SYNPO2: variants seen among roughly 807,000 people sequenced by gnomAD.
SYNPO2 encodes the protein synaptopodin-2.
Under a neutral mutation model 85.0 loss-of-function variants are expected in SYNPO2, and 56 were observed. That is an observed-to-expected ratio of 0.66 (90% confidence interval 0.53 to 0.82). The LOEUF (loss-of-function observed/expected upper bound fraction) is 0.82. SYNPO2 is among the 40% of genes least tolerant of loss of function. SYNPO2 has a pLI of 0.00. For missense variants in SYNPO2, 1,575 were observed against 1,534.2 expected (o/e 1.03, Z -0.44); for synonymous variants, 602 against 591.1 (o/e 1.02, Z -0.27).
At chr4:119,009,526 A>G (rs1450595688) in intron 1 of SYNPO2, among the ~76,000 whole-genome samples, 2 of 152,178 alleles carry the variant, frequency 1.3e-5, no homozygotes, top group Non-Finnish European at 2.9e-5. Flanking sequence ...TTTCACACAC[A>G]CATACACACA....
At chr4:119,036,056 T>C (rs1406727354) in intron 4 of SYNPO2, 15 of 985,302 alleles carry the variant, frequency 1.5e-5, no homozygotes, top group African/African-American at 1.7e-5. Context: ...CTTGGCTGCG[T>C]ATCATTTCAT....
intron 4 of SYNPO2, among the ~76,000 whole-genome samples, chr4:119,041,116 C>T (rs923984863): frequency 6.6e-6 from 1 of 152,172 alleles, no homozygotes; most frequent in Non-Finnish European, 1.5e-5. Flanking sequence ...TTCTAGAATC[C>T]TTCTGAGTCA....
chr4:118,883,805 T>G (rs921147049), intron 1 of SYNPO2, among the ~76,000 whole-genome samples: 1 of 152,166 alleles, frequency 6.6e-6, no homozygotes, highest in African/African-American at 2.4e-5. Context: ...TGGTTTCATT[T>G]TTCTACTTAT....
rs1732269984 is a variant in SYNPO2 at position 118,888,921 on chromosome 4, G to T, written c.-116G>T. ...CGGCTGCAGCAGCGGCGGACGCTCT[G>T]CATTACCCAGTCTTGCGTCCTCGGC... On this transcript the variant is annotated 5_prime_UTR_variant, in exon 1 of 5. Transcript: ENST00000307142. The T allele has an allele frequency of 9.7e-7, 1 of 1,035,444 alleles. No homozygotes were observed. Among genetic ancestry groups the T allele is most frequent in the Non-Finnish European group, 1.5e-6 (1 of 675,732 alleles). 64.1% of individuals were successfully genotyped at this position (1,035,444 alleles called of 1,614,324 possible). A position where few individuals can be genotyped will look rare whatever the true frequency, so the allele number is the denominator to read the frequency against.
At chr4:118,997,670 C>A (rs1388904019) in intron 1 of SYNPO2, among the ~76,000 whole-genome samples, 1 of 152,198 alleles carries the variant, frequency 6.6e-6, no homozygotes, top group Non-Finnish European at 1.5e-5. Flanking sequence ...GTTGAATGCA[C>A]CTGTTACTTG....
At chr4:119,056,203 C>T (rs904203694) in intron 4 of SYNPO2, among the ~76,000 whole-genome samples, 5 of 152,088 alleles carry the variant, frequency 3.3e-5, no homozygotes, top group African/African-American at 1.2e-4. Flanking sequence ...CATCAGCATT[C>T]CTAGAAATGC....
chr4:118,942,169 C>T (rs576760496), intron 1 of SYNPO2, among the ~76,000 whole-genome samples: 1 of 152,306 alleles, frequency 6.6e-6, no homozygotes, highest in African/African-American at 2.4e-5. Flanking sequence ...TCAAGCCTTT[C>T]TATTCCATCA....
At chr4:118,895,683 C>T (rs1225417736) in intron 1 of SYNPO2, among the ~76,000 whole-genome samples, 1 of 152,138 alleles carries the variant, frequency 6.6e-6, no homozygotes, top group South Asian at 2.1e-4. Context: ...AATCTAGCCA[C>T]CTTTTAAGAT....
At chr4:118,966,266 G>A (rs1182351822) in intron 1 of SYNPO2, among the ~76,000 whole-genome samples, 3 of 152,172 alleles carry the variant, frequency 2.0e-5, no homozygotes, top group Non-Finnish European at 4.4e-5. Flanking sequence ...ATTCATCATC[G>A]CTCCCTCTGG....
In SYNPO2 at chr4:119,007,316, A is replaced by G. The variant is rs541606918; in HGVS notation, c.106-16114A>G. On this transcript the variant is annotated intron_variant, in intron 1 of 4. Coordinates refer to ENST00000307142, the MANE Select transcript of SYNPO2 (RefSeq NM_133477.3). ...TATATATGTATATACACGCACATATAGGCATACTCTATTTTACCACTAACT... is the reference window on the plus strand; with the variant it reads ...TATATATGTATATACACGCACATATGGGCATACTCTATTTTACCACTAACT... Among the ~76,000 whole-genome samples, 86 of 75,524 alleles carry G rather than the reference A, an allele frequency of 1.1e-3. 1 individual carries two copies. The highest frequency in any genetic ancestry group is 2.2e-3 in the Non-Finnish European group (79 of 35,320). The allele number at this position is 75,524 out of a possible 152,430, so 49.5% of individuals were successfully genotyped here.
chr4:119,032,884 G>C (rs910627862), intron 4 of SYNPO2: 1 of 743,594 alleles, frequency 1.3e-6, no homozygotes, highest in Non-Finnish European at 1.6e-6. Flanking sequence ...TAATAATGAA[G>C]TAAATGGGAT....
intron 1 of SYNPO2, among the ~76,000 whole-genome samples, chr4:119,003,453 T>C (rs948292166): frequency 6.6e-6 from 1 of 152,232 alleles, no homozygotes; most frequent in Non-Finnish European, 1.5e-5. Context: ...TCACTGCTAT[T>C]CAAACTTGTT....
intron 1 of SYNPO2, among the ~76,000 whole-genome samples, chr4:118,983,317 T>TTC (rs1736099015): frequency 1.3e-5 from 2 of 152,134 alleles, no homozygotes; most frequent in South Asian, 4.1e-4. Context: ...CCAGCATCTA[T>TTC]TCTCTCTGCC....
chr4:118,911,164 G>A (rs1733123191), intron 1 of SYNPO2, among the ~76,000 whole-genome samples: 1 of 152,294 alleles, frequency 6.6e-6, no homozygotes, highest in African/African-American at 2.4e-5. Context: ...GTCCTCGGAT[G>A]AAGCAAAGAT....
At chr4:118,887,978 T>G (rs1342339148), upstream of SYNPO2, among the ~76,000 whole-genome samples, 2 of 152,242 alleles carry the variant, frequency 1.3e-5, no homozygotes, top group Admixed American at 1.3e-4. Context: ...TTGTACATTT[T>G]TGGCAGATTG....
At chr4:118,857,557 A>G (rs1460392681) in intron 1 of SYNPO2, among the ~76,000 whole-genome samples, 1 of 152,152 alleles carries the variant, frequency 6.6e-6, no homozygotes, top group Non-Finnish European at 1.5e-5. Flanking sequence ...CATATGGTTC[A>G]CTGAAACAAG....
intron 1 of SYNPO2, among the ~76,000 whole-genome samples, chr4:118,972,260 G>A (rs867789368): frequency 3.3e-5 from 5 of 152,064 alleles, no homozygotes; most frequent in Non-Finnish European, 5.9e-5. Flanking sequence ...GGGCAGCATG[G>A]GGAGACCCTG....
chr4:118,999,522 A>G (rs1040180496), intron 1 of SYNPO2, among the ~76,000 whole-genome samples: 12 of 152,146 alleles, frequency 7.9e-5, no homozygotes, highest in African/African-American at 1.4e-4. Context: ...TCTAATAATT[A>G]CAATATAAAG....
intron 1 of SYNPO2, among the ~76,000 whole-genome samples, chr4:118,913,148 A>G (rs560207379): frequency 1.4e-4 from 21 of 152,338 alleles, no homozygotes; most frequent in Non-Finnish European, 2.4e-4. Flanking sequence ...AGAAATTTTC[A>G]TGGAAAAGGC....
Sources: allele counts gnomAD v4.1 joint callset (sites outside exome capture counted in the v4.1 genomes callset), GRCh38; gene constraint gnomAD v4.1.1; transcripts MANE v1.5; gene names NCBI Gene and HGNC (gene_info 2026-07-23, HGNC 2026-07-21).